Variants in NDUFB2 observed in about 807,000 individuals in gnomAD.
The protein encoded by NDUFB2 is NADH:ubiquinone oxidoreductase subunit B2.
Under a neutral mutation model 13.4 loss-of-function variants are expected in NDUFB2, and 13 were observed. The ratio of observed to expected loss-of-function variants is 0.97; its 90% CI spans 0.63 to 1.54. NDUFB2 has a LOEUF of 1.54. Ranked by LOEUF, NDUFB2 falls within the 40% of genes most tolerant of loss-of-function variation. The pLI, the probability that NDUFB2 is intolerant of heterozygous loss-of-function variation, is 0.00. For synonymous variants in NDUFB2, 47 were observed against 50.6 expected, an observed-to-expected ratio of 0.93 and a Z score of 0.30; for missense variants, 150 against 139.7, an observed-to-expected ratio of 1.07 and a Z score of -0.37.
chr7:140,696,960 A>G, intron 1 of NDUFB2, 118 bp downstream of exon 1: 1 of 909,026 alleles, frequency 1.1e-6, no homozygotes, highest in South Asian at 1.6e-5. Context: ...GCATGCTGGG[A>G]CCTGTAGTCC....
At chr7:140,698,294 T>G (rs1378961829) in intron 1 of NDUFB2, 1 of 1,350,612 alleles carries the variant, frequency 7.4e-7, no homozygotes, top group East Asian at 4.5e-5. Flanking sequence ...TAACACACAC[T>G]TGTTTCAGAG....
At chr7:140,706,099 T>C (rs906301558) in intron 3 of NDUFB2, 7 of 151,310 alleles carry the variant, frequency 4.6e-5, no homozygotes, top group Admixed American at 1.3e-4. Flanking sequence ...TGTTATGTTA[T>C]GTTATGTTAT....
chr7:140,704,888 A>G lies in NDUFB2; in HGVS notation c.272A>G (p.Gln91Arg). 6.2e-7 allele frequency: 1 copy of G among 1,603,816 alleles called. No individual in the cohort carries two copies. Among genetic ancestry groups the G allele is most frequent in the African/African-American group, 1.3e-5 (1 of 74,278 alleles). Residue 91 changes from glutamine to arginine, a missense_variant, in exon 3 of 4, where the codon CAG (glutamine) becomes CGG (arginine). Coordinates refer to ENST00000247866, the MANE Select transcript of NDUFB2 (RefSeq NM_004546.3). ...CACTTTCCGTATCCTGATCCTTCCC[A>G]GTGGACAGATGAAGAATTAGGTATC... ...LGHFPYPDPS[Q>R]WTDEELGIPP...
chr7:140,701,714 CCT>C, intron 1 of NDUFB2: 1 of 201,960 alleles, frequency 5.0e-6, no homozygotes, highest in Non-Finnish European at 1.0e-5. Context: ...GGGTGGATCA[CCT>C]AAGGTCAGGA....
chr7:140,698,176 C>G (rs1249977425), intron 1 of NDUFB2: 1 of 1,352,048 alleles, frequency 7.4e-7, no homozygotes, highest in Admixed American at 1.9e-5. Flanking sequence ...AGGCAAAGCC[C>G]TGTGTGACTT....
At chr7:140,701,347 TG>T (rs1465100666) in intron 1 of NDUFB2, among the ~76,000 whole-genome samples, 2 of 152,204 alleles carry the variant, frequency 1.3e-5, no homozygotes, top group Admixed American at 6.5e-5. Flanking sequence ...ATGCTTAGTG[TG>T]GTATCTGGCA....
chr7:140,706,503 A>G (rs774123317), intron 3 of NDUFB2, 60 bp from the exon 4 acceptor site: 1 of 152,144 alleles, frequency 6.6e-6, no homozygotes, highest in Non-Finnish European at 1.5e-5. Context: ...TAAATGAATT[A>G]TGGATTTGAA....
At chr7:140,697,143 G>C in intron 1 of NDUFB2, 1 of 590,834 alleles carries the variant, frequency 1.7e-6, no homozygotes, top group South Asian at 2.0e-5. Context: ...AGTCGGCGCC[G>C]GCGCGGGCGG....
chr7:140,705,101 C>CTTTT, intron 3 of NDUFB2, 138 bp downstream of exon 3: 5 of 341,608 alleles, frequency 1.5e-5, no homozygotes, highest in South Asian at 8.6e-5. Context: ...CCTGTATCTG[C>CTTTT]TTTTTTTTTT....
chr7:140,703,323 G>T (rs1794922640), intron 2 of NDUFB2, among the ~76,000 whole-genome samples: 1 of 146,852 alleles, frequency 6.8e-6, no homozygotes, highest in Admixed American at 6.9e-5. Context: ...TCACCAGGCA[G>T]GAGTGCAGTG....
At chr7:140,698,822 G>A (rs1794855604) in intron 1 of NDUFB2, among the ~76,000 whole-genome samples, 1 of 152,166 alleles carries the variant, frequency 6.6e-6, no homozygotes, top group South Asian at 2.1e-4. Flanking sequence ...AGCCATTGGA[G>A]TTTTAAAGCA....
At chr7:140,697,423 T>A in intron 1 of NDUFB2, 2 of 702,510 alleles carry the variant, frequency 2.8e-6, no homozygotes, top group Non-Finnish European at 5.2e-6. Flanking sequence ...AAGCCAACGC[T>A]GGGGCAGCCG....
intron 2 of NDUFB2, among the ~76,000 whole-genome samples, chr7:140,703,395 C>A (rs545340033): frequency 2.6e-5 from 4 of 151,398 alleles, no homozygotes; most frequent in Admixed American, 1.3e-4. Flanking sequence ...GTGCCTCAGT[C>A]CCTTGAGTAG....
chr7:140,699,919 G>A (rs977198879), intron 1 of NDUFB2, among the ~76,000 whole-genome samples: 1 of 150,356 alleles, frequency 6.7e-6, no homozygotes, highest in African/African-American at 2.5e-5. Context: ...TAGGTGTTGA[G>A]TCTTTGCATT....
intron 2 of NDUFB2, 45 bp downstream of exon 2, chr7:140,703,055 G>A (rs754179819): frequency 3.7e-6 from 6 of 1,605,094 alleles, no homozygotes; most frequent in African/African-American, 1.3e-5. Context: ...GGTGGGGGAG[G>A]GAGGATGTAT....
intron 1 of NDUFB2, chr7:140,697,314 A>G (rs1224809381): frequency 2.8e-6 from 2 of 702,938 alleles, no homozygotes; most frequent in Admixed American, 4.0e-5. Flanking sequence ...CGGAGACGTC[A>G]CGTGGCCGCT....
At chr7:140,703,652 G>T (rs188242180) in intron 2 of NDUFB2, among the ~76,000 whole-genome samples, 1 of 152,146 alleles carries the variant, frequency 6.6e-6, no homozygotes, top group Non-Finnish European at 1.5e-5. Flanking sequence ...TTTAAATGAT[G>T]AATGTCTTCT....
chr7:140,697,196 C>A (rs1022098027), intron 1 of NDUFB2: 1 of 646,092 alleles, frequency 1.5e-6, no homozygotes, highest in Non-Finnish European at 2.8e-6. Flanking sequence ...GTGGACGCTC[C>A]TGGAGCGAGG....
chr7:140,702,875 T>A lies in NDUFB2; in HGVS notation c.108T>A (p.Gly36=). Residue 36 remains glycine (G), a synonymous_variant, in exon 2 of 4, where the codon GGT becomes GGA. Transcript: ENST00000247866. ...AGDGGVRHAG[G]GVHIEPRYRQ... is the part of the protein sequence containing the mutation. Reference sequence around the variant, plus strand: ...TTGTTTTGTCTTGCAGTGCCGGTGGTGGTGTGCACATTGAGCCCCGGTATA... The same window carrying A: ...TTGTTTTGTCTTGCAGTGCCGGTGGAGGTGTGCACATTGAGCCCCGGTATA... 1 of 1,614,118 alleles carries A rather than the reference T, an allele frequency of 6.2e-7. No individual in the cohort carries two copies. The highest frequency in any genetic ancestry group is 8.5e-7 in the Non-Finnish European group (1 of 1,180,032).
Sources: gnomAD v4.1 joint callset for allele counts (sites outside exome capture counted in the v4.1 genomes callset) on GRCh38, gnomAD v4.1.1 for gene constraint, MANE v1.5 for transcripts, NCBI Gene and HGNC (gene_info 2026-07-23, HGNC 2026-07-21) for gene names.